CCDC160: variants seen among roughly 807,000 people sequenced by gnomAD.
CCDC160 encodes the protein coiled-coil domain-containing protein 160.
For synonymous variants in CCDC160, 94 were observed against 79.4 expected (o/e 1.18, Z -0.98); for missense variants, 227 against 215.6 (o/e 1.05, Z -0.33).
At chrX:134,243,911 A>T (rs144111317) in intron 1 of CCDC160, among the ~76,000 whole-genome samples, 1,701 of 111,002 alleles carry the variant, frequency 0.015, 31 homozygotes, top group African/African-American at 0.053. Flanking sequence ...CTTATCAAAT[A>T]TTTCAGTGCT....
intron 1 of CCDC160, chrX:134,238,823 T>C (rs1244630277): frequency 1.8e-5 from 2 of 111,802 alleles, no homozygotes; most frequent in African/African-American, 6.5e-5. Flanking sequence ...AGACAGAAGA[T>C]CTTGGACCCC....
At chrX:134,243,839 G>T (rs1339355290) in intron 1 of CCDC160, among the ~76,000 whole-genome samples, 1 of 111,481 alleles carries the variant, frequency 9.0e-6, no homozygotes, top group African/African-American at 3.3e-5. Flanking sequence ...GTGGCTTCAG[G>T]TGCCAGTGGC....
At chrX:134,245,587 A>G (rs750555049) in exon 2 of CCDC160, 12 of 1,205,012 alleles carry the variant, frequency 1.0e-5, no homozygotes, top group Non-Finnish European at 1.2e-5. Flanking sequence ...AAAAGAAGAA[A>G]TGAAATCATA....
At chrX:134,244,885 C>T (rs2077037171) in exon 2 of CCDC160, 6 of 1,200,091 alleles carry the variant, frequency 5.0e-6, no homozygotes, top group Non-Finnish European at 6.7e-6. Flanking sequence ...GACTTCTGAG[C>T]CTGAATCTTC....
intron 1 of CCDC160, among the ~76,000 whole-genome samples, chrX:134,237,549 C>T (rs2077013973): frequency 9.0e-6 from 1 of 111,525 alleles, no homozygotes; most frequent in African/African-American, 3.3e-5. Flanking sequence ...AGTGGCAGTG[C>T]GGAAAGAGGA....
At chrX:134,239,638 C>T (rs1056132375) in intron 1 of CCDC160, among the ~76,000 whole-genome samples, 2 of 110,250 alleles carry the variant, frequency 1.8e-5, no homozygotes, top group African/African-American at 6.6e-5. Flanking sequence ...TGATGACTTC[C>T]GGCTGGCCAC....
At chrX:134,242,683 G>GT (rs1437438896) in intron 1 of CCDC160, among the ~76,000 whole-genome samples, 1 of 110,635 alleles carries the variant, frequency 9.0e-6, no homozygotes, top group Admixed American at 9.7e-5. Context: ...AATGAAAAGA[G>GT]TTTTTTATTT....
rs201744508 is a variant in CCDC160 at position 134,244,957 on chromosome X, A to G, written c.157A>G (p.Arg53Gly). 129 of 1,196,101 alleles carry G rather than the reference A, an allele frequency of 1.1e-4. No homozygotes were observed. In the East Asian group the frequency reaches 3.0e-3, roughly 28 times the overall value. The change falls in exon 2 of 2, where the codon AGA becomes GGA. Residue 53 changes from arginine (R) to glycine (G), a missense_variant. Physicochemically the swap from Arg to Gly is moderately radical, Grantham distance 125 (BLOSUM62 -2). Transcript: ENST00000370809. ...GGAAGAAATTTATAATTTGTCCAGT[A>G]GAAAGTTTCAGGAAGAAAGTAAATT...
downstream of CCDC160, chrX:134,246,004 A>AGT (rs201689931): frequency 0.044 from 8,608 of 196,137 alleles, 337 homozygotes; most frequent in African/African-American, 0.17. Context: ...CTCATATCAG[A>AGT]GTGTGTGTGT....
At chrX:134,239,174 A>G (rs1425487302) in intron 1 of CCDC160, among the ~76,000 whole-genome samples, 1 of 112,363 alleles carries the variant, frequency 8.9e-6, no homozygotes, top group African/African-American at 3.2e-5. Context: ...TTCATTAAAC[A>G]AATATTTATT....
exon 2 of CCDC160, chrX:134,245,679 A>G: frequency 2.5e-6 from 3 of 1,205,970 alleles, no homozygotes; most frequent in Non-Finnish European, 1.1e-6. Context: ...CCCTACAAGC[A>G]AGAAATAACA....
chrX:134,245,797 C>T, downstream of CCDC160: 1 of 1,068,831 alleles, frequency 9.4e-7, no homozygotes, highest in Non-Finnish European at 1.2e-6. Context: ...AAAATCCTTC[C>T]AGTAGGCAAG....
chrX:134,243,915 C>G (rs2077034732), intron 1 of CCDC160, among the ~76,000 whole-genome samples: 1 of 111,124 alleles, frequency 9.0e-6, no homozygotes, highest in East Asian at 2.8e-4. Flanking sequence ...TCAAATATTT[C>G]AGTGCTGTGG....
downstream of CCDC160, chrX:134,245,806 A>G (rs1439356138): frequency 9.7e-7 from 1 of 1,030,753 alleles, no homozygotes; most frequent in African/African-American, 1.9e-5. Flanking sequence ...CCAGTAGGCA[A>G]GTCATTGAGC....
chrX:134,243,726 G>T (rs2077034038), intron 1 of CCDC160, among the ~76,000 whole-genome samples: 1 of 111,962 alleles, frequency 8.9e-6, no homozygotes, highest in African/African-American at 3.2e-5. Flanking sequence ...TTTTCTACAT[G>T]GTGATACTAC....
At chrX:134,237,984 A>G (rs771739660) in intron 1 of CCDC160, among the ~76,000 whole-genome samples, 15 of 111,764 alleles carry the variant, frequency 1.3e-4, no homozygotes, top group South Asian at 1.1e-3. Flanking sequence ...TGGCCCATAT[A>G]TTAGGACCCT....
chrX:134,245,722 T>G, exon 2 of CCDC160: 6 of 1,182,450 alleles, frequency 5.1e-6, no homozygotes, highest in Non-Finnish European at 6.8e-6. Context: ...ATACTATGCT[T>G]CTTCAATGGT....
chrX:134,240,664 C>CTT (rs3045487), intron 1 of CCDC160, among the ~76,000 whole-genome samples: 578 of 27,163 alleles, frequency 0.021, 117 homozygotes, highest in East Asian at 0.12. Flanking sequence ...AAACCAAATT[C>CTT]TTTTTTTTTT....
chrX:134,244,794 TG>T, exon 2 of CCDC160: 1 of 1,156,934 alleles, frequency 8.6e-7, no homozygotes, highest in Non-Finnish European at 1.1e-6. Flanking sequence ...AAGAGGTGCC[TG>T]GAGAAATGGA....
Sources: allele counts gnomAD v4.1 joint callset (sites outside exome capture counted in the v4.1 genomes callset), GRCh38; gene constraint gnomAD v4.1.1; transcripts MANE v1.5; gene names NCBI Gene and HGNC (gene_info 2026-07-23, HGNC 2026-07-21).